Variants in TAFA1 observed in about 807,000 individuals in gnomAD.
TAFA1 encodes TAFA chemokine like family member 1.
A neutral mutation model predicts 18.5 loss-of-function variants in TAFA1; 4 were observed. That is an observed-to-expected ratio of 0.22 (90% CI 0.11 to 0.49). TAFA1 has a LOEUF of 0.49. Among genes scored for constraint, TAFA1 ranks in the 20% least tolerant of loss-of-function variants. The probability of loss-of-function intolerance (pLI) is 0.98; values close to 1 mark genes in which losing one functional copy is unlikely to be tolerated. For synonymous variants in TAFA1, 56 were observed against 55.2 expected, an observed-to-expected ratio of 1.01 and a Z score of -0.06; for missense variants, 147 against 169.0, an observed-to-expected ratio of 0.87 and a Z score of 0.72.
intron 2 of TAFA1, among the ~76,000 whole-genome samples, chr3:68,316,510 G>T (rs893419110): frequency 6.6e-6 from 1 of 152,192 alleles, no homozygotes; most frequent in African/African-American, 2.4e-5. Context: ...GTGCTAACTT[G>T]CAGTGGTCCG....
chr3:68,024,136 T>G (rs1704760512), intron 2 of TAFA1, among the ~76,000 whole-genome samples: 1 of 152,194 alleles, frequency 6.6e-6, no homozygotes, highest in South Asian at 2.1e-4. Context: ...TATATTATCC[T>G]AAGTATTTTT....
chr3:68,469,947 T>C (rs994238181), intron 3 of TAFA1, among the ~76,000 whole-genome samples: 1 of 152,192 alleles, frequency 6.6e-6, no homozygotes, highest in African/African-American at 2.4e-5. Context: ...ATGATGGAAG[T>C]AATTGCTTAG....
chr3:68,349,299 T>C (rs192388338), intron 2 of TAFA1, among the ~76,000 whole-genome samples: 6 of 152,162 alleles, frequency 3.9e-5, no homozygotes, highest in Admixed American at 3.9e-4. Flanking sequence ...AGCAAAATGC[T>C]TTCTAATTGC....
intron 2 of TAFA1, among the ~76,000 whole-genome samples, chr3:68,249,721 C>T (rs780523215): frequency 3.3e-5 from 5 of 152,208 alleles, no homozygotes; most frequent in Admixed American, 6.5e-5. Context: ...TCAGAAAGCC[C>T]TCCTGAGGTC....
intron 2 of TAFA1, among the ~76,000 whole-genome samples, chr3:68,145,794 G>A (rs549627853): frequency 6.6e-6 from 1 of 152,138 alleles, no homozygotes; most frequent in Non-Finnish European, 1.5e-5. Context: ...AGATGCCTAG[G>A]CCCTATGAAG....
At chr3:68,115,080 C>T (rs934113295) in intron 2 of TAFA1, among the ~76,000 whole-genome samples, 1 of 151,938 alleles carries the variant, frequency 6.6e-6, no homozygotes, top group Non-Finnish European at 1.5e-5. Context: ...ATGTCAGAAC[C>T]CCTGGTTACA....
At chr3:68,130,044 A>G (rs1163276885) in intron 2 of TAFA1, among the ~76,000 whole-genome samples, 1 of 152,186 alleles carries the variant, frequency 6.6e-6, no homozygotes, top group African/African-American at 2.4e-5. Context: ...GGAAACTGGC[A>G]CAAAGCCTTA....
intron 2 of TAFA1, among the ~76,000 whole-genome samples, chr3:68,215,312 T>G (rs1222311631): frequency 6.6e-6 from 1 of 152,102 alleles, no homozygotes; most frequent in African/African-American, 2.4e-5. Context: ...TCAGACAATC[T>G]AAGCTGAAAT....
chr3:68,030,996 A>G (rs932332310), intron 2 of TAFA1, among the ~76,000 whole-genome samples: 11 of 152,180 alleles, frequency 7.2e-5, no homozygotes, highest in Admixed American at 7.2e-4. Context: ...TGTACCAACA[A>G]AAAAGAAATA....
chr3:68,386,594 C>CT lies in TAFA1; in HGVS notation c.119-30680dup, dbSNP rs2070109840. Among the ~76,000 whole-genome samples the CT allele has an allele frequency of 2.0e-5, 3 of 152,198 alleles. No homozygotes were observed. The South Asian group carries it at 6.2e-4, about 32-fold the overall frequency. ...TACAGATAGGTTTTTCTACTACCATCTTTTTTGACAACTATCCTTCCCTTC... is the reference window on the plus strand; with the variant it reads ...TACAGATAGGTTTTTCTACTACCATCTTTTTTTGACAACTATCCTTCCCTTC... On this transcript the variant is annotated intron_variant, in intron 2 of 4. Transcript: ENST00000478136.
chr3:68,523,083 T>A (rs9869696), intron 3 of TAFA1, among the ~76,000 whole-genome samples: 1,516 of 41,208 alleles, frequency 0.037, 25 homozygotes, highest in African/African-American at 0.082. Flanking sequence ...TCTCAAAAAA[T>A]AAATAAATAA....
At position 68,310,265 on chromosome 3, in the gene TAFA1, A is replaced by T. The variant is rs936317357; in HGVS notation, c.119-107015A>T. Reference sequence around the variant, plus strand: ...TTTTTCTAGTAGGAATGGAGATCTTAAGTAGTTTTTGTTTAATTTTTAGAA... The same window carrying T: ...TTTTTCTAGTAGGAATGGAGATCTTTAGTAGTTTTTGTTTAATTTTTAGAA... On this transcript the variant is annotated intron_variant, in intron 2 of 4. Coordinates refer to ENST00000478136, the MANE Select transcript of TAFA1 (RefSeq NM_213609.4). Among the ~76,000 whole-genome samples, 54 of 152,180 alleles carry T rather than the reference A, an allele frequency of 3.5e-4. 2 individuals carry two copies. The highest frequency in any genetic ancestry group is 5.9e-5 in the Non-Finnish European group (4 of 68,024).
At chr3:68,459,060 A>G (rs1214937013) in intron 3 of TAFA1, among the ~76,000 whole-genome samples, 1 of 152,114 alleles carries the variant, frequency 6.6e-6, no homozygotes, top group Non-Finnish European at 1.5e-5. Flanking sequence ...AATTCTTCAG[A>G]GTTTTTCTCC....
intron 2 of TAFA1, among the ~76,000 whole-genome samples, chr3:68,257,483 G>A (rs1216971286): frequency 2.0e-5 from 3 of 151,296 alleles, no homozygotes; most frequent in Non-Finnish European, 4.4e-5. Flanking sequence ...ACAAGATGTG[G>A]TTGGTGCTTA....
chr3:68,179,706 C>T (rs1010908322), intron 2 of TAFA1, among the ~76,000 whole-genome samples: 13 of 151,998 alleles, frequency 8.6e-5, no homozygotes, highest in African/African-American at 9.7e-5. Flanking sequence ...TTGATGTAAC[C>T]GCACAATGCT....
intron 2 of TAFA1, among the ~76,000 whole-genome samples, chr3:68,084,045 G>A (rs2064940489): frequency 6.6e-6 from 1 of 152,094 alleles, no homozygotes; most frequent in African/African-American, 2.4e-5. Context: ...TGCTATTCAT[G>A]CCAGTATACC....
intron 2 of TAFA1, among the ~76,000 whole-genome samples, chr3:68,408,747 G>A (rs1575841398): frequency 6.6e-6 from 1 of 152,070 alleles, no homozygotes; most frequent in Non-Finnish European, 1.5e-5. Flanking sequence ...CCCTGCCAGC[G>A]TGGAGTGCCC....
chr3:68,401,744 A>G (rs1483187998), intron 2 of TAFA1, among the ~76,000 whole-genome samples: 2 of 152,192 alleles, frequency 1.3e-5, no homozygotes, highest in Non-Finnish European at 2.9e-5. Context: ...AGATGTCATT[A>G]TCTTCATTAC....
intron 2 of TAFA1, among the ~76,000 whole-genome samples, chr3:68,204,545 A>C (rs906495563): frequency 3.3e-5 from 5 of 151,842 alleles, no homozygotes; most frequent in African/African-American, 1.2e-4. Flanking sequence ...TTTTATAGAT[A>C]GTTCTGAATC....
Sources: allele counts gnomAD v4.1 joint callset (sites outside exome capture counted in the v4.1 genomes callset), GRCh38; gene constraint gnomAD v4.1.1; transcripts MANE v1.5; gene names NCBI Gene and HGNC (gene_info 2026-07-23, HGNC 2026-07-21).